Variants in NRG1 observed in about 807,000 individuals in gnomAD.
The protein encoded by NRG1 is neuregulin 1.
NRG1 carries 18 observed loss-of-function variants against 63.8 expected under a neutral mutation model. That is an observed-to-expected ratio of 0.28 (90% confidence interval 0.19 to 0.42). NRG1 has a LOEUF of 0.42. Among genes scored for constraint, NRG1 ranks in the 10% least tolerant of loss-of-function variants. The pLI is 1.00. For missense variants in NRG1, 762 were observed against 814.7 expected, an observed-to-expected ratio of 0.94 and a Z score of 0.79; for synonymous variants, 302 against 301.3, an observed-to-expected ratio of 1.00 and a Z score of -0.02.
intron 1 of NRG1, among the ~76,000 whole-genome samples, chr8:32,323,706 C>T (rs1424145865): frequency 6.6e-6 from 1 of 152,192 alleles, no homozygotes; most frequent in African/African-American, 2.4e-5. Context: ...TCTTTTTCTC[C>T]TTTAGCTCTC....
At chr8:32,078,534 G>T (rs1826953133) in intron 1 of NRG1, among the ~76,000 whole-genome samples, 1 of 152,190 alleles carries the variant, frequency 6.6e-6, no homozygotes, top group East Asian at 1.9e-4. Context: ...GAGAGGACCT[G>T]ACCTGATTTG....
chr8:32,522,274 G>C (rs967434271), intron 1 of NRG1, among the ~76,000 whole-genome samples: 4 of 152,258 alleles, frequency 2.6e-5, no homozygotes, highest in African/African-American at 9.6e-5. Context: ...CATTTGCTGG[G>C]ACCTCATTGT....
At chr8:31,644,276 C>G (rs1804081983) in intron 1 of NRG1, among the ~76,000 whole-genome samples, 1 of 152,078 alleles carries the variant, frequency 6.6e-6, no homozygotes, top group Admixed American at 6.6e-5. Context: ...ATAAATCTTG[C>G]TGTCAAAAAT....
At chr8:32,339,044 G>A (rs907276227) in intron 1 of NRG1, among the ~76,000 whole-genome samples, 1 of 151,998 alleles carries the variant, frequency 6.6e-6, no homozygotes, top group East Asian at 1.9e-4. Context: ...TAATTTGAGT[G>A]ACTGGCATAG....
chr8:31,678,811 T>G (rs1808013351), intron 1 of NRG1, among the ~76,000 whole-genome samples: 1 of 148,884 alleles, frequency 6.7e-6, no homozygotes, highest in Non-Finnish European at 1.5e-5. Context: ...TAAATAATAT[T>G]TAATTTTAAC....
rs1489713841 is a variant in NRG1 at position 32,083,953 on chromosome 8, A to G, written c.37+444522A>G. ...GAAAGTAATAGAGAGAAACTGAGGC[A>G]TAAAATTTACCTGAAAGCAGTCCTG... On this transcript the variant is annotated intron_variant, in intron 1 of 10. Coordinates refer to the NRG1 transcript ENST00000519301. Among the ~76,000 whole-genome samples the G allele has an allele frequency of 5.3e-5, 8 of 152,352 alleles. No homozygotes were observed. In the East Asian group the frequency reaches 1.5e-3, roughly 29 times the overall value.
intron 2 of NRG1, among the ~76,000 whole-genome samples, chr8:32,604,507 T>C (rs1404119756): frequency 1.8e-4 from 27 of 152,110 alleles, no homozygotes; most frequent in Admixed American, 1.8e-3. Flanking sequence ...CTTGTCGTTA[T>C]CCCCTTAAGA....
At chr8:32,169,264 G>C (rs1242264671) in intron 1 of NRG1, among the ~76,000 whole-genome samples, 1 of 152,094 alleles carries the variant, frequency 6.6e-6, no homozygotes, top group African/African-American at 2.4e-5. Flanking sequence ...CCATAGGCCT[G>C]GTTGGGTGGT....
upstream of NRG1, among the ~76,000 whole-genome samples, chr8:32,544,623 C>T (rs982404690): frequency 5.9e-5 from 9 of 151,332 alleles, no homozygotes; most frequent in Admixed American, 1.3e-4. Context: ...CCCACCTCAA[C>T]CTCCCAGTAG....
intron 1 of NRG1, among the ~76,000 whole-genome samples, chr8:31,648,097 C>T (rs1016302224): frequency 7.7e-6 from 1 of 130,314 alleles, no homozygotes; most frequent in Non-Finnish European, 1.6e-5. Flanking sequence ...CACCATTCTA[C>T]TTTCTGTCTT....
intron 1 of NRG1, among the ~76,000 whole-genome samples, chr8:32,186,217 C>T (rs1007607343): frequency 9.2e-5 from 14 of 152,014 alleles, no homozygotes; most frequent in Non-Finnish European, 1.8e-4. Flanking sequence ...GTAATCCCAA[C>T]ACTTTGGGAG....
chr8:32,334,726 G>A (rs543220076), intron 1 of NRG1, among the ~76,000 whole-genome samples: 13 of 152,244 alleles, frequency 8.5e-5, no homozygotes, highest in African/African-American at 3.1e-4. Context: ...GTATATCAAG[G>A]CCAACAATAT....
chr8:32,376,652 G>C (rs151044382), intron 1 of NRG1, among the ~76,000 whole-genome samples: 93 of 152,312 alleles, frequency 6.1e-4, no homozygotes, highest in African/African-American at 2.1e-3. Flanking sequence ...CCAGTGGGAG[G>C]AAGAAAACTG....
At chr8:32,630,317 G>A (rs532346003) in intron 5 of NRG1, among the ~76,000 whole-genome samples, 2 of 152,244 alleles carry the variant, frequency 1.3e-5, no homozygotes, top group East Asian at 3.9e-4. Flanking sequence ...AATTTAGTAT[G>A]ATAAAAGGTG....
rs143043057 is a variant in NRG1 at position 31,826,166 on chromosome 8, A to G, written c.37+186735A>G. ...AGGTGAACCCATGGGTCTCAGGTCA[A>G]TGGGATGTAAATAGGATTTGTATGA... On this transcript the variant is annotated intron_variant, in intron 1 of 10. Coordinates refer to the NRG1 transcript ENST00000519301. Among the ~76,000 whole-genome samples, 129 of 152,270 alleles carry G rather than the reference A, an allele frequency of 8.5e-4. 3 individuals carry two copies. The East Asian group carries it at 0.019, about 22-fold the overall frequency.
At chr8:31,936,326 T>C (rs1835297090) in intron 1 of NRG1, among the ~76,000 whole-genome samples, 1 of 152,244 alleles carries the variant, frequency 6.6e-6, no homozygotes, top group Admixed American at 6.5e-5. Flanking sequence ...AGTTTTTTGT[T>C]GTAAAATATT....
intron 1 of NRG1, among the ~76,000 whole-genome samples, chr8:32,062,093 A>AGCAT (rs1388041530): frequency 6.6e-6 from 1 of 152,054 alleles, no homozygotes; most frequent in Non-Finnish European, 1.5e-5. Flanking sequence ...TTGGAAAAAG[A>AGCAT]GCATGCTATA....
chr8:32,526,533 G>T (rs1421127137), intron 1 of NRG1, among the ~76,000 whole-genome samples: 1 of 152,174 alleles, frequency 6.6e-6, no homozygotes, highest in Non-Finnish European at 1.5e-5. Flanking sequence ...CCAAGAGGCA[G>T]ATTAGAGGCT....
chr8:31,745,260 T>C (rs1214300974), intron 1 of NRG1, among the ~76,000 whole-genome samples: 1 of 151,944 alleles, frequency 6.6e-6, no homozygotes, highest in Non-Finnish European at 1.5e-5. Flanking sequence ...TGGCCATGCT[T>C]GTCCCCCGAC....
Sources: gnomAD v4.1 joint callset for allele counts (sites outside exome capture counted in the v4.1 genomes callset) on GRCh38, gnomAD v4.1.1 for gene constraint, MANE v1.5 for transcripts, NCBI Gene and HGNC (gene_info 2026-07-23, HGNC 2026-07-21) for gene names.